The following L3MBTL4 variants were observed in gnomAD, a reference collection of about 807,000 sequenced individuals.
The protein encoded by L3MBTL4 is L3MBTL histone methyl-lysine binding protein 4.
L3MBTL4 carries 70 observed loss-of-function variants against 84.5 expected under a neutral mutation model. That is an observed-to-expected ratio of 0.83 (90% CI 0.68 to 1.01). L3MBTL4 has a LOEUF of 1.01. Ranked by LOEUF, L3MBTL4 falls within the 50% of genes least tolerant of loss-of-function variation. L3MBTL4 has a pLI of 0.00. For missense variants in L3MBTL4, 715 were observed against 754.8 expected, an observed-to-expected ratio of 0.95 and a Z score of 0.62; for synonymous variants, 274 against 259.8, an observed-to-expected ratio of 1.05 and a Z score of -0.52.
At chr18:6,039,030 C>T (rs1300363528) in intron 16 of L3MBTL4, among the ~76,000 whole-genome samples, 2 of 151,924 alleles carry the variant, frequency 1.3e-5, no homozygotes, top group Non-Finnish European at 2.9e-5. Context: ...TCCCTTCCTC[C>T]CTCTTCCCCA....
chr18:6,160,734 A>AC lies in L3MBTL4; in HGVS notation c.1096+11093_1096+11094insG, dbSNP rs1427175717. On this transcript the variant is annotated intron_variant, in intron 13 of 18. Transcript: ENST00000317931. ...TGACGAGAATAAAGATCCGTCTCAA[A>AC]AAAAAAAAAAAAAAAAGCACGGAGT... 2.1e-3 allele frequency among the ~76,000 whole-genome samples: 310 copies of AC among 150,432 alleles called. 2 individuals are homozygous for AC. The highest frequency in any genetic ancestry group is 7.2e-3 in the African/African-American group (296 of 41,058).
intron 16 of L3MBTL4, among the ~76,000 whole-genome samples, chr18:6,027,485 T>G (rs1355140944): frequency 6.6e-6 from 1 of 152,238 alleles, no homozygotes; most frequent in Non-Finnish European, 1.5e-5. Context: ...TAAATAGTGC[T>G]GCAATAAACA....
At chr18:6,355,424 T>C (rs539008214) in intron 1 of L3MBTL4, among the ~76,000 whole-genome samples, 5 of 152,002 alleles carry the variant, frequency 3.3e-5, no homozygotes, top group Non-Finnish European at 7.3e-5. Context: ...AGCATATTTG[T>C]TGATTTTTTT....
chr18:5,986,424 G>A (rs529611273), intron 16 of L3MBTL4, among the ~76,000 whole-genome samples: 8 of 152,176 alleles, frequency 5.3e-5, no homozygotes, highest in Non-Finnish European at 4.4e-5. Context: ...CTGCTTTTTC[G>A]TCTCTATGAA....
rs150026775 is a variant in L3MBTL4 at position 6,393,877 on chromosome 18, G to C, written c.-91+20924C>G. ...TCCTGCCAGGGCACCCCGTCACTAT[G>C]AATATGGAGCCCTCATGTGGCTACA... On this transcript the variant is annotated intron_variant, in intron 1 of 18. Coordinates refer to ENST00000317931, the MANE Select transcript of L3MBTL4 (RefSeq NM_001330559.2). Among the ~76,000 whole-genome samples the C allele has an allele frequency of 1.2e-3, 185 of 152,172 alleles. 2 individuals are homozygous for C. Among genetic ancestry groups the C allele is most frequent in the African/African-American group, 4.3e-3 (180 of 41,536 alleles).
intron 3 of L3MBTL4, among the ~76,000 whole-genome samples, chr18:6,311,118 G>GTCTCTC (rs368782025): frequency 1.0e-3 from 158 of 151,556 alleles, no homozygotes; most frequent in Middle Eastern, 6.8e-3. Flanking sequence ...TTTAAGATAA[G>GTCTCTC]TCTCTCTCTC....
intron 17 of L3MBTL4, among the ~76,000 whole-genome samples, chr18:5,965,518 C>G (rs527304424): frequency 1.6e-4 from 24 of 152,250 alleles, no homozygotes; most frequent in African/African-American, 5.3e-4. Context: ...CCTGAGCCCC[C>G]ACCAGTCCAG....
At position 6,413,886 on chromosome 18, in the gene L3MBTL4, C is replaced by T. The variant is rs190724909; in HGVS notation, c.-91+915G>A. 253 of 152,428 alleles carry T rather than the reference C, an allele frequency of 1.7e-3. 1 individual carries two copies. Among genetic ancestry groups the T allele is most frequent in the Non-Finnish European group, 2.2e-3 (153 of 68,100 alleles). The allele number at this position is 152,428 out of a possible 1,614,324, so 9.4% of individuals were successfully genotyped here. A position where few individuals can be genotyped will look rare whatever the true frequency, so the allele number is the denominator to read the frequency against. On this transcript the variant is annotated intron_variant, in intron 1 of 18. Transcript: ENST00000317931. ...CGCATTAAGAATGTCCCTCTAAAGG[C>T]ATATGTAAGATAAAGCACACTTCGC...
chr18:6,136,932 C>T (rs1598871522), intron 14 of L3MBTL4, among the ~76,000 whole-genome samples: 1 of 152,354 alleles, frequency 6.6e-6, no homozygotes, highest in East Asian at 1.9e-4. Flanking sequence ...AACCCCAAGG[C>T]AAGGCCTAAA....
intron 14 of L3MBTL4, 130 bp downstream of exon 14, chr18:6,138,064 G>A: frequency 7.3e-6 from 4 of 546,164 alleles, no homozygotes; most frequent in Non-Finnish European, 1.3e-5. Flanking sequence ...AAAGGCCTCA[G>A]CAACACAGAG....
At chr18:6,007,134 C>T (rs536041431) in intron 16 of L3MBTL4, among the ~76,000 whole-genome samples, 6 of 151,836 alleles carry the variant, frequency 4.0e-5, no homozygotes, top group African/African-American at 1.2e-4. Flanking sequence ...AAACATAACG[C>T]TCACAAAAAA....
At chr18:5,989,276 A>G (rs1439851838) in intron 16 of L3MBTL4, among the ~76,000 whole-genome samples, 3 of 152,244 alleles carry the variant, frequency 2.0e-5, no homozygotes, top group Non-Finnish European at 2.9e-5. Context: ...ACAATCATGT[A>G]TGTGACCAAA....
At chr18:6,054,475 T>C (rs1188514183) in intron 16 of L3MBTL4, among the ~76,000 whole-genome samples, 1 of 152,180 alleles carries the variant, frequency 6.6e-6, no homozygotes, top group Non-Finnish European at 1.5e-5. Flanking sequence ...TCAGTACTCT[T>C]ACTGCCAGTG....
chr18:6,053,330 G>T (rs896671193), intron 16 of L3MBTL4, among the ~76,000 whole-genome samples: 2 of 152,142 alleles, frequency 1.3e-5, no homozygotes, highest in Non-Finnish European at 2.9e-5. Context: ...AAGAGGATGC[G>T]AAAATAAGTG....
At chr18:5,976,582 G>A (rs1405122209) in intron 16 of L3MBTL4, among the ~76,000 whole-genome samples, 1 of 152,220 alleles carries the variant, frequency 6.6e-6, no homozygotes, top group Non-Finnish European at 1.5e-5. Flanking sequence ...CGTGAAGACA[G>A]GAGGTCATGG....
At chr18:6,353,941 T>G (rs1354818938) in intron 1 of L3MBTL4, among the ~76,000 whole-genome samples, 1 of 151,978 alleles carries the variant, frequency 6.6e-6, no homozygotes, top group Non-Finnish European at 1.5e-5. Flanking sequence ...ATCCTAAAAT[T>G]TATATGGAAG....
intron 1 of L3MBTL4, among the ~76,000 whole-genome samples, chr18:6,333,552 C>T (rs530030281): frequency 1.5e-4 from 21 of 140,394 alleles, no homozygotes; most frequent in Non-Finnish European, 2.3e-4. Context: ...TCCAGCCTGG[C>T]GACAAAGTGA....
chr18:6,268,134 G>A lies in L3MBTL4; in HGVS notation c.128-4096C>T, dbSNP rs368964258. On this transcript the variant is annotated intron_variant, in intron 4 of 18. Coordinates refer to ENST00000317931, the MANE Select transcript of L3MBTL4 (RefSeq NM_001330559.2). The stretch of plus-strand genomic sequence containing the variant: ...AATATTTGTTTAATGGCCCGGGAGT[G>A]GTGGCTCACACCTGTAATCCCAGCA... Among the ~76,000 whole-genome samples the A allele has an allele frequency of 6.9e-4, 105 of 152,284 alleles. 1 individual carries two copies. The Middle Eastern group carries it at 0.017, about 25-fold the overall frequency.
chr18:6,336,866 A>G (rs1343612945), intron 1 of L3MBTL4, among the ~76,000 whole-genome samples: 1 of 152,226 alleles, frequency 6.6e-6, no homozygotes, highest in East Asian at 1.9e-4. Flanking sequence ...CAGATATTAG[A>G]GCTAATACCA....
Sources: allele counts gnomAD v4.1 joint callset (sites outside exome capture counted in the v4.1 genomes callset), GRCh38; gene constraint gnomAD v4.1.1; transcripts MANE v1.5; gene names NCBI Gene and HGNC (gene_info 2026-07-23, HGNC 2026-07-21).